EYS: variants seen among roughly 807,000 people sequenced by gnomAD.
EYS encodes the protein protein eyes shut homolog.
A neutral mutation model predicts 282.1 loss-of-function variants in EYS; 250 were observed. The ratio of observed to expected loss-of-function variants is 0.89; its 90% CI spans 0.80 to 0.98. EYS has a LOEUF of 0.98. EYS is among the 50% of genes least tolerant of loss of function. The probability of loss-of-function intolerance (pLI) is 0.00; values close to 1 mark genes in which losing one functional copy is unlikely to be tolerated. For synonymous variants in EYS, 1,355 were observed against 1,282.9 expected (o/e 1.06, Z -1.20); for missense variants, 4,016 against 3,709.0 (o/e 1.08, Z -2.15).
At chr6:64,439,115 G>C (rs528453916) in intron 27 of EYS, 47 bp downstream of exon 27, 5 of 1,074,220 alleles carry the variant, frequency 4.7e-6, no homozygotes, top group Non-Finnish European at 6.4e-6. Flanking sequence ...CACATAATTA[G>C]AACAACTTTG....
chr6:64,159,789 A>G (rs111418574), intron 31 of EYS, among the ~76,000 whole-genome samples: 7,779 of 152,094 alleles, frequency 0.051, 217 homozygotes, highest in African/African-American at 0.079. Context: ...GGATGTCTAC[A>G]ACCCCATGAA....
Position 64,902,172 on chromosome 6 carries a change from A to T in EYS, c.2787T>A (p.Ile929=). The T allele has an allele frequency of 6.4e-7, 1 of 1,550,766 alleles. No homozygotes were observed. The highest frequency in any genetic ancestry group is 8.7e-7 in the Non-Finnish European group (1 of 1,146,490). Residue 929 remains isoleucine (I), a synonymous_variant, in exon 18 of 43, where the codon ATT becomes ATA. Coordinates refer to ENST00000503581, the MANE Select transcript of EYS (RefSeq NM_001142800.2). ...GFSGSLCEIE[I]NECSSEPCKN... ...TGCAAGGTTCAGAGGAACATTCATT[A>T]ATTTCAATTTCACACAGAGATCCAG...
At chr6:65,070,721 T>A (rs1030605621) in intron 12 of EYS, among the ~76,000 whole-genome samples, 9 of 151,814 alleles carry the variant, frequency 5.9e-5, no homozygotes, top group African/African-American at 2.2e-4. Context: ...CTCCTTTGTG[T>A]CTTCAATACT....
At chr6:65,287,948 A>G (rs187883838) in intron 12 of EYS, among the ~76,000 whole-genome samples, 1 of 151,320 alleles carries the variant, frequency 6.6e-6, no homozygotes, top group African/African-American at 2.4e-5. Context: ...CTCAAAGTCC[A>G]GGGATCAAAG....
At chr6:63,736,553 T>C (rs899319645) in intron 41 of EYS, among the ~76,000 whole-genome samples, 21 of 152,190 alleles carry the variant, frequency 1.4e-4, no homozygotes, top group Non-Finnish European at 2.8e-4. Context: ...TGGCTTAGGA[T>C]TGACTTGGCG....
At chr6:65,213,991 C>T (rs1355068249) in intron 12 of EYS, among the ~76,000 whole-genome samples, 1 of 151,018 alleles carries the variant, frequency 6.6e-6, no homozygotes, top group African/African-American at 2.4e-5. Context: ...AAATCCCGTC[C>T]GTACTAAAAT....
At chr6:64,378,597 AT>A (rs1290624882) in intron 29 of EYS, among the ~76,000 whole-genome samples, 1 of 152,314 alleles carries the variant, frequency 6.6e-6, no homozygotes, top group East Asian at 1.9e-4. Flanking sequence ...GATAACAGTT[AT>A]TAAGTGTTAA....
At chr6:63,993,579 A>C (rs1474753698) in intron 34 of EYS, among the ~76,000 whole-genome samples, 1 of 151,900 alleles carries the variant, frequency 6.6e-6, no homozygotes, top group Non-Finnish European at 1.5e-5. Context: ...TACATGAAAA[A>C]GGATAAAATA....
chr6:64,699,321 T>C (rs769220443), intron 22 of EYS, among the ~76,000 whole-genome samples: 1 of 152,012 alleles, frequency 6.6e-6, no homozygotes, highest in Non-Finnish European at 1.5e-5. Context: ...GGGAGTCTAC[T>C]TGAGGGTGGA....
intron 29 of EYS, among the ~76,000 whole-genome samples, chr6:64,323,069 T>C (rs1390387005): frequency 6.6e-6 from 1 of 152,148 alleles, no homozygotes; most frequent in Non-Finnish European, 1.5e-5. Context: ...ACATATCATA[T>C]ATAATTTATC....
intron 33 of EYS, among the ~76,000 whole-genome samples, chr6:64,002,715 G>A (rs954340552): frequency 6.6e-6 from 1 of 152,134 alleles, no homozygotes; most frequent in South Asian, 2.1e-4. Context: ...TTGTGTGTGT[G>A]TATATAGAGA....
intron 1 of EYS, among the ~76,000 whole-genome samples, chr6:65,666,596 T>A (rs533507280): frequency 6.6e-6 from 1 of 151,934 alleles, no homozygotes; most frequent in East Asian, 1.9e-4. Flanking sequence ...ATTCTAATAT[T>A]CTTAATAGTA....
intron 41 of EYS, among the ~76,000 whole-genome samples, chr6:63,740,120 A>G (rs991352812): frequency 5.3e-5 from 8 of 152,190 alleles, no homozygotes; most frequent in Non-Finnish European, 1.2e-4. Context: ...TTAGGTTGAA[A>G]TGCTATATTC....
chr6:64,408,282 A>C (rs567662365), intron 28 of EYS, among the ~76,000 whole-genome samples: 2 of 152,174 alleles, frequency 1.3e-5, no homozygotes, highest in Non-Finnish European at 2.9e-5. Flanking sequence ...AGACCTTTAG[A>C]TATAAAATAT....
At chr6:65,232,567 A>G (rs1406743802) in intron 12 of EYS, among the ~76,000 whole-genome samples, 1 of 152,084 alleles carries the variant, frequency 6.6e-6, no homozygotes, top group East Asian at 1.9e-4. Context: ...GATTGCACCG[A>G]GTTCCCATAT....
chr6:65,266,655 G>A (rs1767760583), intron 12 of EYS, among the ~76,000 whole-genome samples: 1 of 151,614 alleles, frequency 6.6e-6, no homozygotes, highest in Non-Finnish European at 1.5e-5. Flanking sequence ...CAGGGATATT[G>A]GCCTGAAATT....
intron 26 of EYS, among the ~76,000 whole-genome samples, chr6:64,527,882 G>C (rs1371528203): frequency 6.6e-6 from 1 of 151,682 alleles, no homozygotes. Flanking sequence ...AATCACAGGA[G>C]AGTACCAATT....
chr6:65,450,674 C>A (rs1764366327), intron 5 of EYS, among the ~76,000 whole-genome samples: 1 of 152,136 alleles, frequency 6.6e-6, no homozygotes, highest in African/African-American at 2.4e-5. Flanking sequence ...TTGAGCAGGG[C>A]AGCTTCTCAA....
At chr6:64,155,609 C>T (rs530526394) in intron 31 of EYS, among the ~76,000 whole-genome samples, 2 of 152,098 alleles carry the variant, frequency 1.3e-5, no homozygotes, top group Non-Finnish European at 2.9e-5. Context: ...CTAATATAAC[C>T]CTAGGAAGGA....
Sources: allele counts gnomAD v4.1 joint callset (sites outside exome capture counted in the v4.1 genomes callset), GRCh38; gene constraint gnomAD v4.1.1; transcripts MANE v1.5; gene names NCBI Gene and HGNC (gene_info 2026-07-23, HGNC 2026-07-21).